Variants in ATRNL1 observed in about 807,000 individuals in gnomAD.
ATRNL1 encodes attractin-like protein 1.
A neutral mutation model predicts 182.7 loss-of-function variants in ATRNL1; 95 were observed. That is an observed-to-expected ratio of 0.52 (90% CI 0.44 to 0.62). The LOEUF (loss-of-function observed/expected upper bound fraction) is 0.62, where lower values mean the gene tolerates loss of function less well. Among genes scored for constraint, ATRNL1 ranks in the 20% least tolerant of loss-of-function variants. The pLI is 0.00. For missense variants in ATRNL1, 1,471 were observed against 1,679.5 expected (o/e 0.88, Z 2.17); for synonymous variants, 576 against 568.3 (o/e 1.01, Z -0.19).
intron 8 of ATRNL1, among the ~76,000 whole-genome samples, chr10:115,213,737 G>T (rs1849117703): frequency 6.6e-6 from 1 of 152,020 alleles, no homozygotes; most frequent in Non-Finnish European, 1.5e-5. Flanking sequence ...GTAAAGAAGA[G>T]ATAGCAATAA....
chr10:115,132,003 C>A (rs187059952), intron 5 of ATRNL1, among the ~76,000 whole-genome samples: 1 of 152,030 alleles, frequency 6.6e-6, no homozygotes, highest in Admixed American at 6.6e-5. Context: ...CATATGTATA[C>A]ATGTGCCATG....
Position 115,278,253 on chromosome 10 carries a change from A to G in ATRNL1, c.2101-3102A>G, listed in dbSNP as rs562861534. On this transcript the variant is annotated intron_variant, in intron 13 of 28. Coordinates refer to ENST00000355044, the MANE Select transcript of ATRNL1 (RefSeq NM_207303.4). ...CTGTTTAAAATTATGTAATTTGCAC[A>G]CTTCATTTTTTAATAAACATTCATT... Among the ~76,000 whole-genome samples the G allele has an allele frequency of 3.9e-5, 6 of 152,302 alleles. No individual in the cohort carries two copies. The East Asian group carries it at 1.2e-3, about 29-fold the overall frequency.
rs61882298 is a variant in ATRNL1, at chr10:115,408,812, G to A, written c.3269+14060G>A. Among the ~76,000 whole-genome samples, 1,309 of 152,204 alleles carry A rather than the reference G, an allele frequency of 8.6e-3. 7 individuals carry two copies. Among genetic ancestry groups the A allele is most frequent in the Non-Finnish European group, 0.014 (943 of 67,992 alleles). Reference sequence around the variant, plus strand: ...ATGGATATCCAGTTTTCCCAGAACCGTTTATTGAAGAGGTTATTTTTTCTC... The same window carrying A: ...ATGGATATCCAGTTTTCCCAGAACCATTTATTGAAGAGGTTATTTTTTCTC... On this transcript the variant is annotated intron_variant, in intron 20 of 28. Coordinates refer to ENST00000355044, the MANE Select transcript of ATRNL1 (RefSeq NM_207303.4).
intron 21 of ATRNL1, among the ~76,000 whole-genome samples, chr10:115,442,025 G>T (rs1293459734): frequency 2.6e-5 from 4 of 151,932 alleles, no homozygotes; most frequent in African/African-American, 9.7e-5. Context: ...AAGCTTCCTT[G>T]TGTAGTTTTC....
chr10:115,576,610 A>G (rs1274550160), intron 26 of ATRNL1, among the ~76,000 whole-genome samples: 2 of 151,998 alleles, frequency 1.3e-5, no homozygotes, highest in African/African-American at 4.8e-5. Context: ...GAGCTGTATG[A>G]ATCTCTTACA....
rs1554969811 is a variant in ATRNL1, at chr10:115,462,091, A to C, written c.3417+56A>C. 4 of 1,307,874 alleles carry C rather than the reference A, an allele frequency of 3.1e-6. No homozygotes were observed. The South Asian group carries it at 5.3e-5, about 17-fold the overall frequency. The allele number at this position is 1,307,874 out of a possible 1,614,324, so 81.0% of individuals were successfully genotyped here. On this transcript the variant is annotated intron_variant, in intron 22 of 28. Coordinates refer to ENST00000355044, the MANE Select transcript of ATRNL1 (RefSeq NM_207303.4). The stretch of plus-strand genomic sequence containing the variant: ...AATTATTGGACACAATTTTTTTTTC[A>C]TATTTCATTTGATTTTACCTCTTCT...
At chr10:115,239,883 T>C (rs999811931) in intron 9 of ATRNL1, among the ~76,000 whole-genome samples, 6 of 152,046 alleles carry the variant, frequency 3.9e-5, no homozygotes, top group Non-Finnish European at 8.8e-5. Flanking sequence ...AACCCAGAGC[T>C]GGAGGGAATG....
intron 10 of ATRNL1, among the ~76,000 whole-genome samples, chr10:115,261,672 TGTA>T (rs1176537761): frequency 3.3e-5 from 5 of 152,126 alleles, no homozygotes; most frequent in African/African-American, 1.2e-4. Context: ...AGAATAAAAA[TGTA>T]GTATGCTACC....
intron 19 of ATRNL1, among the ~76,000 whole-genome samples, chr10:115,382,559 C>T (rs533891724): frequency 4.6e-5 from 7 of 151,696 alleles, no homozygotes; most frequent in Admixed American, 1.3e-4. Context: ...ATTTGGTATC[C>T]TTGCTTAATT....
intron 28 of ATRNL1, among the ~76,000 whole-genome samples, chr10:115,930,026 G>C (rs1206963111): frequency 1.3e-5 from 2 of 151,994 alleles, no homozygotes; most frequent in African/African-American, 4.8e-5. Context: ...TTAAAATATT[G>C]ACCTTCTAGG....
At chr10:115,531,021 C>G (rs1851546590) in intron 25 of ATRNL1, among the ~76,000 whole-genome samples, 1 of 152,124 alleles carries the variant, frequency 6.6e-6, no homozygotes, top group South Asian at 2.1e-4. Context: ...TTAATCCAGT[C>G]TGTCATTATT....
At chr10:115,501,326 G>A (rs1480124642) in intron 24 of ATRNL1, among the ~76,000 whole-genome samples, 1 of 152,074 alleles carries the variant, frequency 6.6e-6, no homozygotes, top group African/African-American at 2.4e-5. Flanking sequence ...TGAGGTTTCA[G>A]GATAAACTTG....
rs72119794 is a variant in ATRNL1, at chr10:115,480,207, AAC to A, written c.3654+10906_3654+10907del. 7.9e-3 allele frequency among the ~76,000 whole-genome samples: 1,162 copies of A among 146,648 alleles called. 13 individuals are homozygous for A. Among genetic ancestry groups the A allele is most frequent in the African/African-American group, 0.024 (966 of 40,296 alleles). On this transcript the variant is annotated intron_variant, in intron 24 of 28. Transcript: ENST00000355044. ...ATTTTCAACATAGATGAGTCATTTG[AAC>A]ACACACACACACACACACACACACA...
intron 19 of ATRNL1, among the ~76,000 whole-genome samples, chr10:115,371,854 C>A (rs1371781932): frequency 1.3e-5 from 2 of 152,154 alleles, no homozygotes; most frequent in East Asian, 1.9e-4. Flanking sequence ...CCACCCAAGT[C>A]TCATCTTGAA....
At chr10:115,396,316 G>T (rs1844286302) in intron 20 of ATRNL1, among the ~76,000 whole-genome samples, 1 of 151,858 alleles carries the variant, frequency 6.6e-6, no homozygotes, top group African/African-American at 2.4e-5. Context: ...CTAAGATCAA[G>T]GATGCCTCTA....
At chr10:115,496,803 C>A (rs951790644) in intron 24 of ATRNL1, among the ~76,000 whole-genome samples, 1 of 152,152 alleles carries the variant, frequency 6.6e-6, no homozygotes, top group Non-Finnish European at 1.5e-5. Flanking sequence ...TGACCTGCCC[C>A]TTCTCTCTAG....
At chr10:115,310,198 CT>C (rs1853944789) in intron 17 of ATRNL1, among the ~76,000 whole-genome samples, 2 of 152,130 alleles carry the variant, frequency 1.3e-5, no homozygotes, top group Non-Finnish European at 2.9e-5. Context: ...ATGAAACCTA[CT>C]TGATCATGAT....
chr10:115,891,118 A>C (rs577192503), intron 28 of ATRNL1, among the ~76,000 whole-genome samples: 47 of 152,192 alleles, frequency 3.1e-4, no homozygotes, highest in African/African-American at 1.1e-3. Context: ...AAAAAAAATC[A>C]TATGCTCATC....
At chr10:115,496,722 C>T (rs1355055745) in intron 24 of ATRNL1, among the ~76,000 whole-genome samples, 1 of 152,108 alleles carries the variant, frequency 6.6e-6, no homozygotes, top group African/African-American at 2.4e-5. Flanking sequence ...GTATCAGCTC[C>T]CAGTCTGTTC....
Sources: allele counts gnomAD v4.1 joint callset (sites outside exome capture counted in the v4.1 genomes callset), GRCh38; gene constraint gnomAD v4.1.1; transcripts MANE v1.5; gene names NCBI Gene and HGNC (gene_info 2026-07-23, HGNC 2026-07-21).